The following SLC30A9 variants were observed in gnomAD, a reference collection of about 807,000 sequenced individuals.
SLC30A9 encodes proton-coupled zinc antiporter SLC30A9, mitochondrial.
SLC30A9 carries 58 observed loss-of-function variants against 87.5 expected under a neutral mutation model. The ratio of observed to expected loss-of-function variants is 0.66; its 90% CI spans 0.54 to 0.82. The LOEUF (loss-of-function observed/expected upper bound fraction) is 0.82. Among genes scored for constraint, SLC30A9 ranks in the 40% least tolerant of loss-of-function variants. SLC30A9 has a pLI of 0.00. For synonymous variants in SLC30A9, 234 were observed against 233.0 expected (o/e 1.00, Z -0.04); for missense variants, 557 against 679.1 (o/e 0.82, Z 2.00).
chr4:42,069,012 T>G (rs1409180098), intron 14 of SLC30A9, among the ~76,000 whole-genome samples: 10 of 152,220 alleles, frequency 6.6e-5, no homozygotes, highest in Admixed American at 6.5e-4. Context: ...ATATGAATAC[T>G]TCTTTCTCAT....
At chr4:42,028,184 C>G (rs1192797026) in intron 6 of SLC30A9, among the ~76,000 whole-genome samples, 1 of 152,204 alleles carries the variant, frequency 6.6e-6, no homozygotes, top group East Asian at 1.9e-4. Flanking sequence ...GTGGCATGAT[C>G]TCAGCACACT....
intron 15 of SLC30A9, among the ~76,000 whole-genome samples, chr4:42,074,592 G>C (rs1577722925): frequency 6.6e-6 from 1 of 152,118 alleles, no homozygotes; most frequent in Non-Finnish European, 1.5e-5. Context: ...GAAGAGCTGG[G>C]CTGGGGAGTC....
intron 1 of SLC30A9, among the ~76,000 whole-genome samples, chr4:41,993,023 C>T (rs1714522790): frequency 6.6e-6 from 1 of 151,596 alleles, no homozygotes. Context: ...ATGAGGAATG[C>T]CTTTAAAGGC....
chr4:42,067,758 G>A lies in SLC30A9; in HGVS notation c.1252+566G>A, dbSNP rs2343585. On this transcript the variant is annotated intron_variant, in intron 14 of 17. Coordinates refer to ENST00000264451, the MANE Select transcript of SLC30A9 (RefSeq NM_006345.4). ...CAACTTCCTCCCACATCACAATGCCGTACATGGTCAGTGAATTGGGGTGTC... is the reference window on the plus strand; with the variant it reads ...CAACTTCCTCCCACATCACAATGCCATACATGGTCAGTGAATTGGGGTGTC... Among the ~76,000 whole-genome samples the A allele has an allele frequency of 5.8e-3, 890 of 152,234 alleles. 15 individuals carry two copies. The highest frequency in any genetic ancestry group is 0.021 in the African/African-American group (856 of 41,556).
intron 2 of SLC30A9, among the ~76,000 whole-genome samples, chr4:42,005,556 G>A (rs1715165301): frequency 6.6e-6 from 1 of 152,118 alleles, no homozygotes; most frequent in Admixed American, 6.5e-5. Context: ...CCTTATCTTG[G>A]CAGAACCTAG....
At position 42,001,182 on chromosome 4, in the gene SLC30A9, TTAATA is replaced by T. The variant is rs145640890; in HGVS notation, c.110-429_110-425del. Among the ~76,000 whole-genome samples the T allele has an allele frequency of 3.2e-3, 491 of 152,170 alleles. 2 individuals carry two copies. The highest frequency in any genetic ancestry group is 0.011 in the African/African-American group (470 of 41,550). On this transcript the variant is annotated intron_variant, in intron 1 of 17. Coordinates refer to ENST00000264451, the MANE Select transcript of SLC30A9 (RefSeq NM_006345.4). ...AATCGGTGACAGTATGAATGAATGA[TTAATA>T]TAATTCACTTGATTGTGAAATGAAA...
chr4:42,038,869 T>C (rs1716798747), intron 7 of SLC30A9, 117 bp from the exon 8 acceptor site: 1 of 642,276 alleles, frequency 1.6e-6, no homozygotes, highest in Non-Finnish European at 2.8e-6. Context: ...GAAAAATAAG[T>C]AAATCTAATT....
intron 17 of SLC30A9, among the ~76,000 whole-genome samples, chr4:42,085,117 A>G (rs77074553): frequency 0.02 from 2,981 of 152,310 alleles, 104 homozygotes; most frequent in African/African-American, 0.068. Context: ...CCATAGTGCC[A>G]GTGCACACTT....
chr4:41,991,694 G>T (rs914167248), intron 1 of SLC30A9, among the ~76,000 whole-genome samples: 3 of 152,154 alleles, frequency 2.0e-5, no homozygotes, highest in Non-Finnish European at 4.4e-5. Flanking sequence ...GAGGCAGGCA[G>T]ATCTTTTGAG....
chr4:42,063,129 T>C lies in SLC30A9; in HGVS notation c.1032+8T>C. 1 of 1,611,552 alleles carries C rather than the reference T, an allele frequency of 6.2e-7. No individual in the cohort carries two copies. The highest frequency in any genetic ancestry group is 8.5e-7 in the Non-Finnish European group (1 of 1,178,994). On this transcript the variant is annotated splice_region_variant and intron_variant, in intron 11 of 17. Coordinates refer to ENST00000264451, the MANE Select transcript of SLC30A9 (RefSeq NM_006345.4). The stretch of plus-strand genomic sequence containing the variant: ...ATAGAATCCCTTCTATGGGTAATCC[T>C]CTTTTTTTCTCCTCAGTTTTGATGT...
At chr4:42,052,722 T>G (rs907298941) in intron 9 of SLC30A9, among the ~76,000 whole-genome samples, 1 of 152,238 alleles carries the variant, frequency 6.6e-6, no homozygotes, top group African/African-American at 2.4e-5. Context: ...CTTCACACAC[T>G]GTATACAAGT....
intron 4 of SLC30A9, 112 bp downstream of exon 4, chr4:42,020,627 G>T: frequency 1.9e-6 from 1 of 535,826 alleles, no homozygotes; most frequent in Non-Finnish European, 3.2e-6. Flanking sequence ...TTTGCTACTG[G>T]CTCCTTAAAA....
intron 15 of SLC30A9, among the ~76,000 whole-genome samples, chr4:42,072,411 TTAAG>T (rs932946084): frequency 2.2e-4 from 33 of 152,298 alleles, no homozygotes; most frequent in Non-Finnish European, 3.4e-4. Flanking sequence ...AAATTTTCCT[TTAAG>T]TATTGCTTTC....
chr4:42,069,708 G>C (rs1227028114), intron 14 of SLC30A9, among the ~76,000 whole-genome samples: 1 of 152,072 alleles, frequency 6.6e-6, no homozygotes, highest in Admixed American at 6.6e-5. Flanking sequence ...CGTATTTATT[G>C]GTGTCTATTA....
intron 1 of SLC30A9, among the ~76,000 whole-genome samples, chr4:41,997,111 C>A (rs1200789602): frequency 1.3e-5 from 2 of 150,294 alleles, no homozygotes; most frequent in Admixed American, 6.6e-5. Flanking sequence ...AGAGGTATGT[C>A]AAGATGCAGT....
intron 9 of SLC30A9, among the ~76,000 whole-genome samples, chr4:42,055,408 A>G (rs1717569573): frequency 6.6e-6 from 1 of 151,972 alleles, no homozygotes. Flanking sequence ...ATTTTTTGAG[A>G]CAGAGTCTCG....
At position 42,067,319 on chromosome 4, in the gene SLC30A9, A is replaced by C. The variant is rs1178745889; in HGVS notation, c.1252+127A>C. 2.6e-5 allele frequency: 16 copies of C among 612,002 alleles called. No homozygotes were observed. In the East Asian group the frequency reaches 4.8e-4, roughly 18 times the overall value. 37.9% of individuals were successfully genotyped at this position (612,002 alleles called of 1,614,324 possible). A position where few individuals can be genotyped will look rare whatever the true frequency, so the allele number is the denominator to read the frequency against. On this transcript the variant is annotated intron_variant, in intron 14 of 17. Transcript: ENST00000264451. ...AAATTGTTAAATGTTAATTCCTACT[A>C]ATCATTGACTTATGTAAGACATTTG...
chr4:42,082,285 G>C (rs2153141570), intron 17 of SLC30A9, among the ~76,000 whole-genome samples: 2 of 151,836 alleles, frequency 1.3e-5, no homozygotes, highest in South Asian at 4.2e-4. Context: ...TAAGTCAAAG[G>C]ACATGTTCAT....
intron 1 of SLC30A9, among the ~76,000 whole-genome samples, chr4:41,993,174 A>G (rs1209367219): frequency 6.7e-6 from 1 of 150,372 alleles, no homozygotes; most frequent in Admixed American, 6.6e-5. Context: ...AAATTTATAT[A>G]TTTTAATAAT....
Sources: allele counts gnomAD v4.1 joint callset (sites outside exome capture counted in the v4.1 genomes callset), GRCh38; gene constraint gnomAD v4.1.1; transcripts MANE v1.5; gene names NCBI Gene and HGNC (gene_info 2026-07-23, HGNC 2026-07-21).